DLG2: variants seen among roughly 807,000 people sequenced by gnomAD.
The protein encoded by DLG2 is disks large homolog 2.
DLG2 carries 45 observed loss-of-function variants against 132.5 expected under a neutral mutation model. The ratio of observed to expected loss-of-function variants is 0.34; its 90% CI spans 0.27 to 0.44. The LOEUF (loss-of-function observed/expected upper bound fraction) is 0.44. DLG2 is among the 20% of genes least tolerant of loss of function. The pLI is 1.00. For missense variants in DLG2, 1,045 were observed against 1,196.9 expected, an observed-to-expected ratio of 0.87 and a Z score of 1.87; for synonymous variants, 424 against 419.6, an observed-to-expected ratio of 1.01 and a Z score of -0.13.
intron 11 of DLG2, among the ~76,000 whole-genome samples, chr11:83,982,182 T>C (rs2092843732): frequency 6.6e-6 from 1 of 152,172 alleles, no homozygotes; most frequent in African/African-American, 2.4e-5. Flanking sequence ...GGTTTATGTA[T>C]TTACTACACT....
At position 83,732,396 on chromosome 11, in the gene DLG2, C is replaced by T. The variant is rs529768423; in HGVS notation, c.1825+54294G>A. On this transcript the variant is annotated intron_variant, in intron 18 of 27. Transcript: ENST00000376104. ...TCATGTTGGGGAGCTTAATACCTAC[C>T]AAGGTAGCTATTATGCTTAGAAATT... is the stretch of plus-strand genomic sequence containing the variant. Among the ~76,000 whole-genome samples, 5 of 152,244 alleles carry T rather than the reference C, an allele frequency of 3.3e-5. No individual in the cohort carries two copies. The East Asian group carries it at 9.6e-4, about 29-fold the overall frequency.
At chr11:85,243,816 C>T (rs1044748601) in intron 4 of DLG2, among the ~76,000 whole-genome samples, 2 of 151,964 alleles carry the variant, frequency 1.3e-5, no homozygotes, top group African/African-American at 4.8e-5. Flanking sequence ...AAATATTATC[C>T]TTAATTCTAA....
chr11:85,341,651 A>G lies in DLG2; in HGVS notation c.41-56286T>C, dbSNP rs373747863. Among the ~76,000 whole-genome samples, 43 of 152,310 alleles carry G rather than the reference A, an allele frequency of 2.8e-4. 2 individuals are homozygous for G. Among genetic ancestry groups the G allele is most frequent in the African/African-American group, 1.0e-3 (42 of 41,570 alleles). ...TAAAACATACTTGTTTTAGGACAAAACAATCCTAAAATTGTACTTTTAGGA... is the reference window on the plus strand; with the variant it reads ...TAAAACATACTTGTTTTAGGACAAAGCAATCCTAAAATTGTACTTTTAGGA... On this transcript the variant is annotated intron_variant, in intron 3 of 27. Transcript: ENST00000376104.
chr11:83,989,741 C>T (rs182919818), intron 11 of DLG2, among the ~76,000 whole-genome samples: 9 of 152,188 alleles, frequency 5.9e-5, no homozygotes, highest in African/African-American at 1.9e-4. Context: ...AGCAAAAATG[C>T]CTGGCAATCA....
chr11:85,180,548 C>T (rs2079620955), intron 4 of DLG2, among the ~76,000 whole-genome samples: 1 of 151,766 alleles, frequency 6.6e-6, no homozygotes, highest in South Asian at 2.1e-4. Flanking sequence ...ACGAGAAAAT[C>T]CTAACAAGCT....
At chr11:84,473,714 G>A (rs1567725704) in intron 7 of DLG2, among the ~76,000 whole-genome samples, 1 of 151,938 alleles carries the variant, frequency 6.6e-6, no homozygotes, top group Non-Finnish European at 1.5e-5. Flanking sequence ...AAAAGTAAGT[G>A]ATTTCCCTGT....
intron 11 of DLG2, among the ~76,000 whole-genome samples, chr11:84,021,713 G>T (rs1183920983): frequency 6.6e-6 from 1 of 151,764 alleles, no homozygotes; most frequent in East Asian, 1.9e-4. Flanking sequence ...TTAAACCTGA[G>T]TATATTATTT....
At chr11:84,081,425 A>G (rs2096901317) in intron 10 of DLG2, among the ~76,000 whole-genome samples, 2 of 120,310 alleles carry the variant, frequency 1.7e-5, no homozygotes, top group Admixed American at 1.9e-4. Context: ...CAGGTCTATA[A>G]TTTACAAAGA....
chr11:84,135,844 C>T (rs937867144), intron 9 of DLG2, among the ~76,000 whole-genome samples: 17 of 152,080 alleles, frequency 1.1e-4, no homozygotes, highest in South Asian at 6.2e-4. Flanking sequence ...TCACACTGGG[C>T]GCAGTGTGAG....
chr11:85,266,894 C>T (rs1312360928), intron 4 of DLG2, among the ~76,000 whole-genome samples: 2 of 152,178 alleles, frequency 1.3e-5, no homozygotes, highest in South Asian at 2.1e-4. Context: ...TAGTGTTGCA[C>T]CACAAGTTAT....
rs769539810 is a variant in DLG2, at chr11:84,725,548, A to G, written c.358-190817T>C. On this transcript the variant is annotated intron_variant, in intron 6 of 27. Transcript: ENST00000376104. ...GGATATGAATGTCTTTCTGCCATCAATGAGTTTACAAACCAGTTGACTAGG... is the reference window on the plus strand; with the variant it reads ...GGATATGAATGTCTTTCTGCCATCAGTGAGTTTACAAACCAGTTGACTAGG... 5.3e-5 allele frequency among the ~76,000 whole-genome samples: 8 copies of G among 152,266 alleles called. No individual in the cohort carries two copies. In the Middle Eastern group the frequency reaches 0.01, roughly 194 times the overall value.
At position 85,012,727 on chromosome 11, in the gene DLG2, T is replaced by G. The variant is rs561864817; in HGVS notation, c.357+98934A>C. Among the ~76,000 whole-genome samples the G allele has an allele frequency of 8.5e-5, 13 of 152,314 alleles. No homozygotes were observed. The South Asian group carries it at 2.7e-3, about 32-fold the overall frequency. ...AAATACCATAGAAAGAAGGATATTC[T>G]GATTAATATAGGACTCCATTTACTA... On this transcript the variant is annotated intron_variant, in intron 6 of 27. Coordinates refer to ENST00000376104, the MANE Select transcript of DLG2 (RefSeq NM_001142699.3).
chr11:85,323,446 A>T (rs74536980), intron 3 of DLG2, among the ~76,000 whole-genome samples: 8 of 152,258 alleles, frequency 5.3e-5, no homozygotes, highest in South Asian at 2.1e-4. Context: ...GCAATGATCA[A>T]ATAAATGAAA....
intron 7 of DLG2, among the ~76,000 whole-genome samples, chr11:84,526,921 G>T (rs929427638): frequency 6.6e-6 from 1 of 151,954 alleles, no homozygotes; most frequent in African/African-American, 2.4e-5. Context: ...TGGGACTACA[G>T]GCATCCGCCA....
At chr11:84,158,754 G>C (rs1333405354) in intron 9 of DLG2, among the ~76,000 whole-genome samples, 1 of 152,100 alleles carries the variant, frequency 6.6e-6, no homozygotes, top group East Asian at 1.9e-4. Context: ...ATAAAGAAAA[G>C]AAAAGCAGAA....
chr11:85,311,903 C>T (rs2080338245), intron 3 of DLG2, among the ~76,000 whole-genome samples: 1 of 152,006 alleles, frequency 6.6e-6, no homozygotes, highest in Non-Finnish European at 1.5e-5. Flanking sequence ...ATAAAGTATG[C>T]TGCCAAGAAC....
chr11:84,863,235 C>A (rs2084029859), intron 6 of DLG2, among the ~76,000 whole-genome samples: 1 of 152,092 alleles, frequency 6.6e-6, no homozygotes, highest in Non-Finnish European at 1.5e-5. Context: ...TGTCCAGTTT[C>A]ATTCTTCTAA....
rs916623794 is a variant in DLG2 at position 85,043,967 on chromosome 11, A to G, written c.357+67694T>C. ...ATTCAAAGTTCAATAAGACATTTAT[A>G]TATACAGAATAACTTTAATAAACAC... On this transcript the variant is annotated intron_variant, in intron 6 of 27. Coordinates refer to ENST00000376104, the MANE Select transcript of DLG2 (RefSeq NM_001142699.3). Among the ~76,000 whole-genome samples, 6 of 151,968 alleles carry G rather than the reference A, an allele frequency of 3.9e-5. No homozygotes were observed. In the South Asian group the frequency reaches 1.2e-3, roughly 31 times the overall value.
intron 6 of DLG2, among the ~76,000 whole-genome samples, chr11:84,670,504 A>T (rs2099704590): frequency 6.6e-6 from 1 of 152,170 alleles, no homozygotes; most frequent in Non-Finnish European, 1.5e-5. Flanking sequence ...ACCAGAGGCT[A>T]CAGAACACAC....
Sources: gnomAD v4.1 joint callset for allele counts (sites outside exome capture counted in the v4.1 genomes callset) on GRCh38, gnomAD v4.1.1 for gene constraint, MANE v1.5 for transcripts, NCBI Gene and HGNC (gene_info 2026-07-23, HGNC 2026-07-21) for gene names.